Variants in GALNT9 observed in about 807,000 individuals in gnomAD.
GALNT9 encodes GalNAc transferase 9.
A neutral mutation model predicts 63.1 loss-of-function variants in GALNT9; 47 were observed. The ratio of observed to expected loss-of-function variants is 0.75; its 90% CI spans 0.59 to 0.95. The LOEUF (loss-of-function observed/expected upper bound fraction) is 0.95, where lower values mean the gene tolerates loss of function less well. GALNT9 is among the 40% of genes least tolerant of loss of function. The pLI, the probability that GALNT9 is intolerant of heterozygous loss-of-function variation, is 0.00. For synonymous variants in GALNT9, 396 were observed against 365.7 expected (o/e 1.08, Z -0.94); for missense variants, 829 against 874.8 (o/e 0.95, Z 0.66).
intron 6 of GALNT9, among the ~76,000 whole-genome samples, chr12:132,217,247 A>AC (rs1189065749): frequency 5.2e-5 from 6 of 115,092 alleles, no homozygotes; most frequent in East Asian, 2.9e-4. Flanking sequence ...CATGCATCCC[A>AC]CCCACCCATC....
At chr12:132,202,752 C>T (rs1376525592) in intron 7 of GALNT9, among the ~76,000 whole-genome samples, 2 of 152,080 alleles carry the variant, frequency 1.3e-5, no homozygotes, top group African/African-American at 4.8e-5. Flanking sequence ...GGGGTGGTTC[C>T]AGAGACGCTG....
At chr12:132,247,111 A>G (rs1555238048) in intron 6 of GALNT9, among the ~76,000 whole-genome samples, 1 of 152,216 alleles carries the variant, frequency 6.6e-6, no homozygotes, top group African/African-American at 2.4e-5. Context: ...ATAAAAACCT[A>G]AGAAGCAGAA....
intron 6 of GALNT9, among the ~76,000 whole-genome samples, chr12:132,243,384 C>T (rs1035445736): frequency 1.3e-5 from 2 of 151,358 alleles, no homozygotes; most frequent in Non-Finnish European, 3.0e-5. Context: ...TCCTCCCCGT[C>T]CTCCGGAGCT....
intron 1 of GALNT9, among the ~76,000 whole-genome samples, chr12:132,287,398 G>A (rs1880643031): frequency 6.6e-6 from 1 of 152,124 alleles, no homozygotes; most frequent in South Asian, 2.1e-4. Context: ...CCATGCCGCC[G>A]CCACCATCCC....
Position 132,314,702 on chromosome 12 carries a change from C to G in GALNT9, c.238+14264G>C, listed in dbSNP as rs78946986. ...TGTGAACTCCCAGGGGGCAGCTGCT[C>G]AGGGCACTGGGCACACCCTGCTGGG... On this transcript the variant is annotated intron_variant, in intron 1 of 10. Transcript: ENST00000328957. Among the ~76,000 whole-genome samples the G allele has an allele frequency of 5.6e-4, 85 of 152,266 alleles. 1 individual carries two copies. In the East Asian group the frequency reaches 6.2e-3, roughly 11 times the overall value.
At chr12:132,198,931 G>T (rs941591737) in intron 9 of GALNT9, among the ~76,000 whole-genome samples, 1 of 152,146 alleles carries the variant, frequency 6.6e-6, no homozygotes, top group African/African-American at 2.4e-5. Flanking sequence ...GATGACAGGC[G>T]TGAGCCACTG....
intron 6 of GALNT9, among the ~76,000 whole-genome samples, chr12:132,235,739 GT>G (rs1877981959): frequency 1.1e-4 from 6 of 56,090 alleles, no homozygotes; most frequent in Non-Finnish European, 1.3e-4. Context: ...CCGGGCTGGA[GT>G]GAGTTCAACC....
In GALNT9 at chr12:132,268,134, C is replaced by T. The variant is rs545271573; in HGVS notation, c.420-5509G>A. On this transcript the variant is annotated intron_variant, in intron 2 of 10. Transcript: ENST00000328957. ...ACACACAAACCCACACACACACTCACGCTCACACACACGCAATCTCACACA... is the reference window on the plus strand; with the variant it reads ...ACACACAAACCCACACACACACTCATGCTCACACACACGCAATCTCACACA... Among the ~76,000 whole-genome samples the T allele has an allele frequency of 4.0e-3, 578 of 144,198 alleles. 5 individuals are homozygous for T. The highest frequency in any genetic ancestry group is 0.016 in the African/African-American group (545 of 34,304). The allele number at this position is 144,198 out of a possible 152,430, so 94.6% of individuals were successfully genotyped here. A position where few individuals can be genotyped will look rare whatever the true frequency, so the allele number is the denominator to read the frequency against.
At chr12:132,261,258 C>CA in intron 3 of GALNT9, 136 bp from the exon 4 acceptor site, 1 of 1,367,298 alleles carries the variant, frequency 7.3e-7, no homozygotes, top group Non-Finnish European at 9.7e-7. Flanking sequence ...CACTGAACCA[C>CA]ATGTGGTTCA....
intron 2 of GALNT9, among the ~76,000 whole-genome samples, chr12:132,269,856 G>A (rs1246945039): frequency 1.3e-5 from 2 of 152,202 alleles, no homozygotes; most frequent in South Asian, 2.1e-4. Flanking sequence ...ACACACAGGC[G>A]AGGGAGATGG....
chr12:132,322,138 G>A (rs1340246813), intron 1 of GALNT9, among the ~76,000 whole-genome samples: 3 of 152,180 alleles, frequency 2.0e-5, no homozygotes, highest in South Asian at 2.1e-4. Flanking sequence ...GCCACATTCC[G>A]AGGTTCCAGG....
At chr12:132,293,132 T>C (rs1880924103) in intron 1 of GALNT9, among the ~76,000 whole-genome samples, 1 of 152,082 alleles carries the variant, frequency 6.6e-6, no homozygotes, top group Non-Finnish European at 1.5e-5. Context: ...AACCTTTAGT[T>C]GCTGACTTGT....
At chr12:132,328,782 G>A (rs1566026843) in intron 1 of GALNT9, among the ~76,000 whole-genome samples, 184 bp downstream of exon 1, 1 of 152,206 alleles carries the variant, frequency 6.6e-6, no homozygotes, top group Non-Finnish European at 1.5e-5. Flanking sequence ...GGTGCGGGGG[G>A]AACCCAGGTT....
intron 1 of GALNT9, among the ~76,000 whole-genome samples, chr12:132,290,941 C>T (rs1371557661): frequency 3.2e-5 from 1 of 31,252 alleles, no homozygotes; most frequent in Non-Finnish European, 5.3e-5. Flanking sequence ...CACGTCCACA[C>T]CACCCACATC....
chr12:132,295,854 C>CCTCCGAACAGGGAT (rs1566016595), intron 1 of GALNT9, among the ~76,000 whole-genome samples: 2 of 70,498 alleles, frequency 2.8e-5, no homozygotes, highest in African/African-American at 1.6e-4. Flanking sequence ...CGAACAGGGA[C>CCTCCGAACAGGGAT]GGCCTCCGAA....
chr12:132,303,447 G>A (rs1237236141), intron 1 of GALNT9, among the ~76,000 whole-genome samples: 4,190 of 100,036 alleles, frequency 0.042, 134 homozygotes, highest in African/African-American at 0.086. Context: ...ACCCTCGCCC[G>A]GGCACACCCT....
rs1209256922 is a variant in GALNT9 at position 132,296,921 on chromosome 12, A to C, written c.239-10491T>G. On this transcript the variant is annotated intron_variant, in intron 1 of 10. Coordinates refer to ENST00000328957, the MANE Select transcript of GALNT9 (RefSeq NM_001122636.2). The surrounding 1 kb of genome is among the most constrained non-coding windows in gnomAD (Gnocchi z 4.2). The stretch of plus-strand genomic sequence containing the variant: ...AACTCACTCCCAAGATACCCAACTC[A>C]CTCCTGAAATAACAAAGCCACTCCT... Among the ~76,000 whole-genome samples the C allele has an allele frequency of 6.6e-6, 1 of 151,434 alleles. No homozygotes were observed. The highest frequency in any genetic ancestry group is 1.5e-5 in the Non-Finnish European group (1 of 67,892).
At chr12:132,207,295 C>T (rs149850904) in intron 6 of GALNT9, among the ~76,000 whole-genome samples, 15 of 152,324 alleles carry the variant, frequency 9.8e-5, no homozygotes, top group Admixed American at 9.2e-4. Context: ...TCACAGCTGC[C>T]TCCCAGTGCT....
In GALNT9 at chr12:132,241,163, C is replaced by A. The variant is rs1253865584; in HGVS notation, c.1077+6747G>T. Among the ~76,000 whole-genome samples the A allele has an allele frequency of 1.3e-3, 124 of 94,808 alleles. 1 individual carries two copies. Among genetic ancestry groups the A allele is most frequent in the African/African-American group, 5.5e-3 (116 of 21,122 alleles). 62.2% of individuals were successfully genotyped at this position (94,808 alleles called of 152,430 possible). ...CCTCCCTATACCCATTACACACACG[C>A]CACACCCCCTTCCCAGGGCCCTCCC... On this transcript the variant is annotated intron_variant, in intron 6 of 10. Coordinates refer to ENST00000328957, the MANE Select transcript of GALNT9 (RefSeq NM_001122636.2).
Sources: allele counts gnomAD v4.1 joint callset (sites outside exome capture counted in the v4.1 genomes callset), GRCh38; gene constraint gnomAD v4.1.1; non-coding constraint Gnocchi (gnomAD v3.1); transcripts MANE v1.5; gene names NCBI Gene and HGNC (gene_info 2026-07-23, HGNC 2026-07-21).